MS4A7: variants seen among roughly 807,000 people sequenced by gnomAD.
MS4A7 encodes membrane-spanning 4-domains subfamily A member 7.
Under a neutral mutation model 23.5 loss-of-function variants are expected in MS4A7, and 21 were observed. That is an observed-to-expected ratio of 0.89 (90% CI 0.63 to 1.29). MS4A7 has a LOEUF of 1.29. Among genes scored for constraint, MS4A7 ranks in the 50% most tolerant of loss-of-function variants. The probability of loss-of-function intolerance (pLI) is 0.00; values close to 1 mark genes in which losing one functional copy is unlikely to be tolerated. For synonymous variants in MS4A7, 111 were observed against 107.4 expected, an observed-to-expected ratio of 1.03 and a Z score of -0.21; for missense variants, 263 against 274.2, an observed-to-expected ratio of 0.96 and a Z score of 0.29.
intron 5 of MS4A7, among the ~76,000 whole-genome samples, chr11:60,391,685 G>C (rs868692702): frequency 6.6e-6 from 1 of 152,178 alleles, no homozygotes; most frequent in Non-Finnish European, 1.5e-5. Context: ...TTGGGAGGCT[G>C]AGGCGGGTGG....
intron 3 of MS4A7, 110 bp downstream of exon 3, chr11:60,385,332 G>T (rs2085474674): frequency 8.1e-7 from 1 of 1,241,464 alleles, no homozygotes; most frequent in African/African-American, 1.5e-5. Context: ...AGGCGGCAAG[G>T]CCTCGACTTT....
intron 1 of MS4A7, among the ~76,000 whole-genome samples, chr11:60,381,227 C>A (rs2085425515): frequency 6.6e-6 from 1 of 152,156 alleles, no homozygotes; most frequent in African/African-American, 2.4e-5. Context: ...GAAGGCTCAC[C>A]CTGACTCCAC....
In MS4A7 at chr11:60,386,747, T is replaced by A. The variant is rs2233248; in HGVS notation, c.313T>A (p.Ser105Thr). Residue 105 changes from serine to threonine, a missense_variant, in exon 4 of 7, where the codon TCT becomes ACT. Physicochemically the swap from Ser to Thr is moderately conservative, Grantham distance 58 (BLOSUM62 1). Transcript: ENST00000300184. ...FGITGSLSIISGKQSTKPFDL... is the reference protein window; with the variant it reads ...FGITGSLSIITGKQSTKPFDL... Reference sequence around the variant, plus strand: ...CATTACTGGATCCCTCTCAATTATCTCTGGAAAACAATCAACTAAGCCCTT... The same window carrying A: ...CATTACTGGATCCCTCTCAATTATCACTGGAAAACAATCAACTAAGCCCTT... 92 of 1,613,356 alleles carry A rather than the reference T, an allele frequency of 5.7e-5. No homozygotes were observed. Among genetic ancestry groups the A allele is most frequent in the East Asian group, 5.1e-4 (23 of 44,866 alleles).
At chr11:60,386,628 A>G (rs2085491347) in intron 3 of MS4A7, 89 bp from the exon 4 acceptor site, 4 of 1,112,572 alleles carry the variant, frequency 3.6e-6, no homozygotes, top group Non-Finnish European at 5.4e-6. Context: ...GTTTTCCAAC[A>G]TCACTTTTTG....
chr11:60,385,621 G>T (rs932356598), intron 3 of MS4A7, among the ~76,000 whole-genome samples: 1 of 152,108 alleles, frequency 6.6e-6, no homozygotes, highest in Non-Finnish European at 1.5e-5. Flanking sequence ...ACAATAAAAC[G>T]AGCACCACTG....
At position 60,389,463 on chromosome 11, in the gene MS4A7, G is replaced by A. The variant is rs764197329; in HGVS notation, c.413G>A (p.Ser138Asn). ...GCAGGCCTCTTCCTCCTTGCTGACA[G>A]CATGGTAGCCCTGAGGACTGCCTCT... ...AGAGLFLLAD[S>N]MVALRTASQH... is the part of the protein sequence containing the mutation. Residue 138 changes from serine to asparagine, a missense_variant, in exon 5 of 7, where the codon AGC (serine) becomes AAC (asparagine). By Grantham distance (46) the Ser-to-Asn change is conservative. Transcript: ENST00000300184. 1 of 1,614,106 alleles carries A rather than the reference G, an allele frequency of 6.2e-7. No homozygotes were observed. Among genetic ancestry groups the A allele is most frequent in the South Asian group, 1.1e-5 (1 of 91,086 alleles).
chr11:60,387,730 G>A (rs1159454210), intron 4 of MS4A7, among the ~76,000 whole-genome samples: 1 of 152,170 alleles, frequency 6.6e-6, no homozygotes, highest in Non-Finnish European at 1.5e-5. Flanking sequence ...ATTGCCCTAA[G>A]TGCATCTAGA....
At chr11:60,383,397 C>A in intron 2 of MS4A7, 109 bp downstream of exon 2, 1 of 1,311,156 alleles carries the variant, frequency 7.6e-7, no homozygotes, top group Non-Finnish European at 1.0e-6. Context: ...TTCTGGCTGA[C>A]TCCAGGCTAA....
chr11:60,389,449 C>A lies in MS4A7; in HGVS notation c.399C>A (p.Phe133Leu), dbSNP rs1450439529. 6.2e-7 allele frequency: 1 copy of A among 1,613,968 alleles called. No individual in the cohort carries two copies. The highest frequency in any genetic ancestry group is 8.5e-7 in the Non-Finnish European group (1 of 1,179,970). Reference protein sequence around the residue: ...VSSVTAGAGLFLLADSMVALR... With the variant: ...VSSVTAGAGLLLLADSMVALR... The stretch of plus-strand genomic sequence containing the variant: ...CTGTTACTGCAGGAGCAGGCCTCTT[C>A]CTCCTTGCTGACAGCATGGTAGCCC... Residue 133 changes from phenylalanine to leucine, a missense_variant, in exon 5 of 7, where the codon TTC becomes TTA. By Grantham distance (22) the Phe-to-Leu change is conservative. Transcript: ENST00000300184.
chr11:60,386,504 T>C, intron 3 of MS4A7: 1 of 462,454 alleles, frequency 2.2e-6, no homozygotes, highest in East Asian at 3.3e-5. Context: ...ATCCAACCCC[T>C]CTGTGCATCT....
At chr11:60,381,284 C>T (rs1204963752) in intron 1 of MS4A7, among the ~76,000 whole-genome samples, 4 of 152,152 alleles carry the variant, frequency 2.6e-5, no homozygotes, top group African/African-American at 7.2e-5. Flanking sequence ...GACATGTAAC[C>T]TCACCCACAC....
chr11:60,383,455 G>A (rs2085451360), intron 2 of MS4A7, 167 bp downstream of exon 2: 1 of 562,990 alleles, frequency 1.8e-6, no homozygotes, highest in Non-Finnish European at 2.8e-6. Context: ...AAGCTCTGCA[G>A]CAGTTTCTAG....
intron 4 of MS4A7, chr11:60,389,093 C>T (rs941986252): frequency 3.4e-6 from 1 of 290,450 alleles, no homozygotes; most frequent in Non-Finnish European, 6.4e-6. Flanking sequence ...TGGCAGTGAC[C>T]TGAGCAGCAC....
chr11:60,386,788 C>T lies in MS4A7; in HGVS notation c.339+15C>T. 1 of 1,585,824 alleles carries T rather than the reference C, an allele frequency of 6.3e-7. No individual in the cohort carries two copies. The highest frequency in any genetic ancestry group is 2.2e-5 in the East Asian group (1 of 44,572). ...CTAAGCCCTTTGTAAGTATAAGGAC[C>T]ATCAAATCTCAGCTGGTTGGAATTG... On this transcript the variant is annotated intron_variant, in intron 4 of 6. Coordinates refer to ENST00000300184, the MANE Select transcript of MS4A7 (RefSeq NM_021201.5).
chr11:60,384,345 T>C (rs2085461651), intron 2 of MS4A7, among the ~76,000 whole-genome samples: 1 of 152,226 alleles, frequency 6.6e-6, no homozygotes, highest in Admixed American at 6.5e-5. Flanking sequence ...CCTACTACTT[T>C]GCTCTTAACT....
rs376167504 is a variant in MS4A7 at position 60,385,361 on chromosome 11, C to T, written c.282+139C>T. The T allele has an allele frequency of 2.1e-5, 18 of 873,314 alleles. No homozygotes were observed. In the East Asian group the frequency reaches 3.4e-4, roughly 17 times the overall value. 54.1% of individuals were successfully genotyped at this position (873,314 alleles called of 1,614,324 possible). A position where few individuals can be genotyped will look rare whatever the true frequency, so the allele number is the denominator to read the frequency against. On this transcript the variant is annotated intron_variant, in intron 3 of 6. Coordinates refer to ENST00000300184, the MANE Select transcript of MS4A7 (RefSeq NM_021201.5). ...CGACTTTCCTTCTATCATTGCCCCA[C>T]GTCACATTTCCCCTATTCAAGAAGA...
intron 2 of MS4A7, 159 bp downstream of exon 2, chr11:60,383,447 G>T: frequency 3.0e-6 from 2 of 658,750 alleles, no homozygotes; most frequent in South Asian, 7.9e-5. Context: ...GACTCTTAAA[G>T]CTCTGCAGCA....
intron 6 of MS4A7, among the ~76,000 whole-genome samples, chr11:60,392,994 G>A (rs1050019465): frequency 1.3e-5 from 2 of 152,128 alleles, no homozygotes; most frequent in Non-Finnish European, 2.9e-5. Flanking sequence ...AGTGGCACAC[G>A]CCTGTAGTCC....
chr11:60,380,878 G>C (rs544844482), intron 1 of MS4A7, among the ~76,000 whole-genome samples: 5 of 152,288 alleles, frequency 3.3e-5, no homozygotes, highest in South Asian at 2.1e-4. Flanking sequence ...GTAGCTAGCC[G>C]GGCAAGAACA....
Sources: allele counts gnomAD v4.1 joint callset (sites outside exome capture counted in the v4.1 genomes callset), GRCh38; gene constraint gnomAD v4.1.1; transcripts MANE v1.5; gene names NCBI Gene and HGNC (gene_info 2026-07-23, HGNC 2026-07-21).